Variants in PLCZ1 observed in about 807,000 individuals in gnomAD.
PLCZ1 encodes the protein phospholipase C zeta 1, also known as 1-phosphatidylinositol 4,5-bisphosphate phosphodiesterase zeta-1.
A neutral mutation model predicts 76.8 loss-of-function variants in PLCZ1; 64 were observed. The ratio of observed to expected loss-of-function variants is 0.83; its 90% CI spans 0.68 to 1.03. PLCZ1 has a LOEUF of 1.03. PLCZ1 is among the 50% of genes least tolerant of loss of function. The pLI is 0.00. For synonymous variants in PLCZ1, 248 were observed against 230.8 expected (o/e 1.07, Z -0.68); for missense variants, 751 against 713.7 (o/e 1.05, Z -0.60).
At position 18,696,202 on chromosome 12, in the gene PLCZ1, T is replaced by C; in HGVS notation, c.1239A>G (p.Ala413=). ...CTTGGGGATTAAAATTAGAAGAGTC[T>C]GCTCTTGTTGCTTTGGGATATATTC... ...ITRIYPKATR[A]DSSNFNPQEF... The change falls in exon 11 of 15, where the codon GCA becomes GCG. Residue 413 remains alanine, a synonymous_variant. Transcript: ENST00000266505. The C allele has an allele frequency of 6.2e-7, 1 of 1,601,520 alleles. No homozygotes were observed. Among genetic ancestry groups the C allele is most frequent in the African/African-American group, 1.3e-5 (1 of 74,368 alleles).
rs758764376 is a variant in PLCZ1, at chr12:18,736,207, G to A, written c.135+14C>T. The A allele has an allele frequency of 6.2e-7, 1 of 1,610,794 alleles. No individual in the cohort carries two copies. The highest frequency in any genetic ancestry group is 8.5e-7 in the Non-Finnish European group (1 of 1,177,796). ...ACCTAGGATAGGATAGGCAGGGGGTGGATGTCATCTTACCTTAAAAATCTG... is the reference window on the plus strand; with the variant it reads ...ACCTAGGATAGGATAGGCAGGGGGTAGATGTCATCTTACCTTAAAAATCTG... On this transcript the variant is annotated intron_variant, in intron 3 of 14. Coordinates refer to ENST00000266505, the MANE Select transcript of PLCZ1 (RefSeq NM_033123.4).
intron 4 of PLCZ1, among the ~76,000 whole-genome samples, chr12:18,720,151 T>G (rs921385791): frequency 6.6e-6 from 1 of 152,122 alleles, no homozygotes; most frequent in Non-Finnish European, 1.5e-5. Flanking sequence ...AACATTCTAT[T>G]TCAAAGATTT....
rs533987135 is a variant in PLCZ1 at position 18,687,968 on chromosome 12, A to T, written c.1591+121T>A. 6 of 1,339,516 alleles carry T rather than the reference A, an allele frequency of 4.5e-6. No homozygotes were observed. The African/African-American group carries it at 7.4e-5, about 16-fold the overall frequency. 83.0% of individuals were successfully genotyped at this position (1,339,516 alleles called of 1,614,324 possible). The stretch of plus-strand genomic sequence containing the variant: ...ATATAACATTTTGCTAATTTTGGAC[A>T]TAATGGAAAACCCTTGTCTTATGAA... On this transcript the variant is annotated intron_variant, in intron 13 of 14. Coordinates refer to ENST00000266505, the MANE Select transcript of PLCZ1 (RefSeq NM_033123.4).
At chr12:18,702,464 T>C (rs1210517980) in intron 7 of PLCZ1, among the ~76,000 whole-genome samples, 3 of 152,190 alleles carry the variant, frequency 2.0e-5, no homozygotes, top group Non-Finnish European at 2.9e-5. Flanking sequence ...CTCTGTTATA[T>C]ACAATGCTGA....
Position 18,737,481 on chromosome 12 carries a change from C to A in PLCZ1, c.-110G>T. On this transcript the variant is annotated 5_prime_UTR_variant, in exon 2 of 15. Coordinates refer to ENST00000266505, the MANE Select transcript of PLCZ1 (RefSeq NM_033123.4). ...TCTGCCCCTTTGCAGAAAATAATTT[C>A]TTGATACTCATCAGCTGTTACCACT... 6.9e-7 allele frequency: 1 copy of A among 1,455,062 alleles called. No individual in the cohort carries two copies. Among genetic ancestry groups the A allele is most frequent in the South Asian group, 1.2e-5 (1 of 86,920 alleles). 90.1% of individuals were successfully genotyped at this position (1,455,062 alleles called of 1,614,324 possible).
the PLCZ1 span, among the ~76,000 whole-genome samples, chr12:18,664,835 T>G: frequency 6.6e-6 from 1 of 151,226 alleles, no homozygotes; most frequent in Non-Finnish European, 1.5e-5. Context: ...CCACAAAAAA[T>G]GATGAGTTCA....
intron 6 of PLCZ1, among the ~76,000 whole-genome samples, chr12:18,708,001 T>C (rs949663407): frequency 6.6e-6 from 1 of 152,200 alleles, no homozygotes; most frequent in African/African-American, 2.4e-5. Context: ...AGTTACCCTT[T>C]TTAAAATTTT....
rs529252440 is a variant in PLCZ1, at chr12:18,732,224, T to C, written c.135+3997A>G. Among the ~76,000 whole-genome samples the C allele has an allele frequency of 2.4e-4, 37 of 152,238 alleles. No homozygotes were observed. The South Asian group carries it at 7.3e-3, about 30-fold the overall frequency. On this transcript the variant is annotated intron_variant, in intron 3 of 14. Coordinates refer to ENST00000266505, the MANE Select transcript of PLCZ1 (RefSeq NM_033123.4). ...TAGAGAGCAGCGGTGCCATCACAGC[T>C]CACTACAGCCTCTATCTCCTGAGCT...
chr12:18,683,243 C>T lies in PLCZ1; in HGVS notation c.1823G>A (p.Arg608Lys). Reference sequence around the variant, plus strand: ...TATGTCATTTATCATTAGCTGTTATCTGACGTACCAAACATAAACAAACAG... The same window carrying T: ...TATGTCATTTATCATTAGCTGTTATTTGACGTACCAAACATAAACAAACAG... ...ASLFVYVWYV[R>K] is the part of the protein sequence containing the mutation. Residue 608 changes from arginine (R) to lysine (K), a missense_variant, in exon 15 of 15, where the codon AGA (arginine) becomes AAA (lysine). Arg to Lys is a conservative substitution (Grantham distance 26, BLOSUM62 2). Coordinates refer to ENST00000266505, the MANE Select transcript of PLCZ1 (RefSeq NM_033123.4). The T allele has an allele frequency of 6.2e-7, 1 of 1,612,122 alleles. No homozygotes were observed. Among genetic ancestry groups the T allele is most frequent in the Non-Finnish European group, 8.5e-7 (1 of 1,178,650 alleles).
chr12:18,695,351 A>G (rs890957534), intron 11 of PLCZ1, among the ~76,000 whole-genome samples: 1 of 152,202 alleles, frequency 6.6e-6, no homozygotes, highest in Admixed American at 6.5e-5. Context: ...AGATTACAGA[A>G]TAACAATGTT....
chr12:18,736,591 G>GAATTTGAA (rs1959294592), intron 2 of PLCZ1: 1 of 1,294,552 alleles, frequency 7.7e-7, no homozygotes, highest in Non-Finnish European at 1.0e-6. Flanking sequence ...TAAAATTTGA[G>GAATTTGAA]AATTGAAGTC....
intron 7 of PLCZ1, 90 bp from the exon 8 acceptor site, chr12:18,701,866 A>G: frequency 6.6e-7 from 1 of 1,511,734 alleles, no homozygotes; most frequent in Non-Finnish European, 8.8e-7. Flanking sequence ...TATATTTCCA[A>G]TTAGCCTACA....
chr12:18,696,322 C>CTATATATCTATATA (rs1954986579), intron 10 of PLCZ1, 56 bp from the exon 11 acceptor site: 1 of 253,072 alleles, frequency 4.0e-6, no homozygotes, highest in African/African-American at 6.1e-5. Flanking sequence ...TAAAAAGCCA[C>CTATATATCTATATA]TATATATATA....
chr12:18,675,907 T>C, the PLCZ1 span, among the ~76,000 whole-genome samples: 1 of 152,182 alleles, frequency 6.6e-6, no homozygotes, highest in East Asian at 1.9e-4. Context: ...TTTTACTTTT[T>C]GGGTACAATG....
chr12:18,671,592 A>G, the PLCZ1 span, among the ~76,000 whole-genome samples: 1 of 152,316 alleles, frequency 6.6e-6, no homozygotes, highest in South Asian at 2.1e-4. Flanking sequence ...CAGGTGTACT[A>G]GGCACATCAC....
intron 6 of PLCZ1, among the ~76,000 whole-genome samples, chr12:18,709,356 T>C (rs1278378926): frequency 6.6e-6 from 1 of 152,146 alleles, no homozygotes; most frequent in Non-Finnish European, 1.5e-5. Context: ...AGGCTCTCTA[T>C]TCTGTTCCAC....
intron 5 of PLCZ1, among the ~76,000 whole-genome samples, chr12:18,718,425 A>C (rs66573408): frequency 0.01 from 1,585 of 152,134 alleles, 13 homozygotes; most frequent in Non-Finnish European, 0.018. Context: ...CTGGGATAAA[A>C]TCTATTCTCC....
the PLCZ1 span, among the ~76,000 whole-genome samples, chr12:18,654,346 CA>C: frequency 6.7e-6 from 1 of 149,614 alleles, no homozygotes; most frequent in South Asian, 2.1e-4. Context: ...CCTTGGAGAG[CA>C]GATATAATGA....
At chr12:18,698,105 G>A (rs1274330716) in intron 10 of PLCZ1, among the ~76,000 whole-genome samples, 1 of 151,452 alleles carries the variant, frequency 6.6e-6, no homozygotes, top group Non-Finnish European at 1.5e-5. Flanking sequence ...AAGGAACAGA[G>A]ACCAGTAAAG....
Sources: allele counts gnomAD v4.1 joint callset (sites outside exome capture counted in the v4.1 genomes callset), GRCh38; gene constraint gnomAD v4.1.1; transcripts MANE v1.5; gene names NCBI Gene and HGNC (gene_info 2026-07-23, HGNC 2026-07-21).